The following PACS2 variants were observed in gnomAD, a reference collection of about 807,000 sequenced individuals.
PACS2 encodes the protein phosphofurin acidic cluster sorting protein 2, also known as PACS1-like protein.
PACS2 carries 36 observed loss-of-function variants against 113.0 expected under a neutral mutation model. The ratio of observed to expected loss-of-function variants is 0.32; its 90% CI spans 0.24 to 0.42. PACS2 has a LOEUF of 0.42. Among genes scored for constraint, PACS2 ranks in the 10% least tolerant of loss-of-function variants. The pLI, the probability that PACS2 is intolerant of heterozygous loss-of-function variation, is 1.00. For missense variants in PACS2, 1,015 were observed against 1,239.5 expected, an observed-to-expected ratio of 0.82 and a Z score of 2.72; for synonymous variants, 589 against 536.1, an observed-to-expected ratio of 1.10 and a Z score of -1.36.
chr14:105,346,053 CT>C (rs1171466302), intron 1 of PACS2, among the ~76,000 whole-genome samples: 4 of 152,228 alleles, frequency 2.6e-5, no homozygotes, highest in Non-Finnish European at 4.4e-5. Flanking sequence ...CTCACAAACA[CT>C]GACGGGCGAC....
intron 24 of PACS2, 31 bp from the exon 25 acceptor site, chr14:105,394,523 G>A: frequency 1.2e-6 from 2 of 1,608,580 alleles, no homozygotes; most frequent in Non-Finnish European, 1.7e-6. Context: ...CCGGGCAGGG[G>A]GGCAGGCGGT....
Position 105,324,148 on chromosome 14 carries a change from A to G in PACS2, c.119+9111A>G, listed in dbSNP as rs1012659332. 5.9e-5 allele frequency among the ~76,000 whole-genome samples: 9 copies of G among 152,202 alleles called. No homozygotes were observed. Among genetic ancestry groups the G allele is most frequent in the Non-Finnish European group, 1.2e-4 (8 of 68,038 alleles). On this transcript the variant is annotated intron_variant, in intron 1 of 24. Coordinates refer to ENST00000447393, the MANE Select transcript of PACS2 (RefSeq NM_001100913.3). The surrounding 1 kb of genome is among the most constrained non-coding windows in gnomAD (Gnocchi z 4.7). ...ACCAGCCCTTTCCCTCTCTCTGCCCAGCATTCTCAGCATGCGTCTCAGGAA... is the reference window on the plus strand; with the variant it reads ...ACCAGCCCTTTCCCTCTCTCTGCCCGGCATTCTCAGCATGCGTCTCAGGAA...
chr14:105,359,972 A>G (rs1382493952), intron 4 of PACS2, among the ~76,000 whole-genome samples: 1 of 152,156 alleles, frequency 6.6e-6, no homozygotes, highest in East Asian at 1.9e-4. Flanking sequence ...ATAAATACTT[A>G]CCATCTGTAA....
intron 1 of PACS2, among the ~76,000 whole-genome samples, chr14:105,306,496 G>C (rs1236822250): frequency 6.6e-6 from 1 of 151,902 alleles, no homozygotes; most frequent in Non-Finnish European, 1.5e-5. Flanking sequence ...GTAGAGATGG[G>C]GTTTCACCAT....
intron 1 of PACS2, among the ~76,000 whole-genome samples, chr14:105,343,570 G>A (rs2059813029): frequency 6.6e-6 from 1 of 152,144 alleles, no homozygotes; most frequent in African/African-American, 2.4e-5. Flanking sequence ...TCTAATAGGT[G>A]TAGTTGGTAT....
chr14:105,385,475 T>G (rs1442007055), intron 18 of PACS2, among the ~76,000 whole-genome samples: 2 of 152,010 alleles, frequency 1.3e-5, no homozygotes, highest in Admixed American at 6.6e-5. Context: ...GCCCGGCGCC[T>G]CCTCCCTGCA....
chr14:105,394,153 C>T (rs1012807370), intron 24 of PACS2: 10 of 979,960 alleles, frequency 1.0e-5, no homozygotes, highest in African/African-American at 3.5e-5. Flanking sequence ...ACCTCCAGGT[C>T]GACGTGGCCC....
chr14:105,352,447 G>A lies in PACS2; in HGVS notation c.277G>A (p.Ala93Thr). Residue 93 changes from alanine (A) to threonine (T), a missense_variant, in exon 3 of 25, where the codon GCC becomes ACC. Coordinates refer to ENST00000447393, the MANE Select transcript of PACS2 (RefSeq NM_001100913.3). ...PPSGQVETDL[A>T]LTFSLQYPHF... ...CAGTGGACAAGTGGAGACAGACCTG[G>A]CCCTGACCTTCTCCTTGCAGGTGAG... 1 of 1,609,282 alleles carries A rather than the reference G, an allele frequency of 6.2e-7. No individual in the cohort carries two copies. The highest frequency in any genetic ancestry group is 1.3e-5 in the African/African-American group (1 of 74,838).
rs148870769 is a variant in PACS2 at position 105,322,182 on chromosome 14, C to T, written c.119+7145C>T. ...CGAACTCTCGACCTCGTGATCCGCC[C>T]GCCTTGGCCTCCCAAAGTGCTGGGA... On this transcript the variant is annotated intron_variant, in intron 1 of 24. Coordinates refer to ENST00000447393, the MANE Select transcript of PACS2 (RefSeq NM_001100913.3). Among the ~76,000 whole-genome samples the T allele has an allele frequency of 2.1e-3, 313 of 151,268 alleles. 1 individual carries two copies. The highest frequency in any genetic ancestry group is 7.2e-3 in the African/African-American group (296 of 41,206).
At chr14:105,349,318 C>T (rs1304848459) in intron 2 of PACS2, among the ~76,000 whole-genome samples, 4 of 152,260 alleles carry the variant, frequency 2.6e-5, no homozygotes, top group African/African-American at 9.6e-5. Flanking sequence ...AAGTCTCACC[C>T]ATGTCCTCAG....
At chr14:105,361,339 C>CA (rs1465589434) in intron 4 of PACS2, among the ~76,000 whole-genome samples, 3 of 151,346 alleles carry the variant, frequency 2.0e-5, no homozygotes, top group African/African-American at 4.9e-5. Flanking sequence ...GCTAAAAATA[C>CA]AAAAAAAGAA....
At chr14:105,383,713 C>T (rs2081074853) in intron 16 of PACS2, 200 bp downstream of exon 16, 3 of 560,922 alleles carry the variant, frequency 5.3e-6, no homozygotes, top group Admixed American at 3.6e-5. Flanking sequence ...GATACAGTAA[C>T]ACTTTGTTAA....
chr14:105,368,686 C>G, intron 7 of PACS2, 147 bp downstream of exon 7: 1 of 663,026 alleles, frequency 1.5e-6, no homozygotes, highest in Non-Finnish European at 2.7e-6. Flanking sequence ...CCCCTGATTG[C>G]CAGTCTCCTG....
At chr14:105,389,855 C>A in intron 19 of PACS2, 106 bp from the exon 20 acceptor site, 2 of 1,019,314 alleles carry the variant, frequency 2.0e-6, no homozygotes, top group East Asian at 2.4e-5. Flanking sequence ...TCCGGCAGGG[C>A]CGCGGCCCCA....
intron 22 of PACS2, 152 bp downstream of exon 22, chr14:105,391,918 T>G (rs2081372526): frequency 1.4e-6 from 1 of 722,170 alleles, no homozygotes; most frequent in African/African-American, 1.8e-5. Flanking sequence ...GGCTGGGTCC[T>G]CTCTGGCCAC....
intron 19 of PACS2, chr14:105,389,116 C>T (rs1041929661): frequency 1.3e-5 from 2 of 152,292 alleles, no homozygotes; most frequent in South Asian, 2.1e-4. Context: ...GCGAGCTGGA[C>T]CACAGGACAG....
At chr14:105,373,241 T>G (rs1348882401) in intron 8 of PACS2, among the ~76,000 whole-genome samples, 1 of 152,226 alleles carries the variant, frequency 6.6e-6, no homozygotes, top group Non-Finnish European at 1.5e-5. Flanking sequence ...AAAATTTATG[T>G]GTAAATGCCA....
rs903365962 is a variant in PACS2, at chr14:105,366,346, T to G, written c.424-867T>G. On this transcript the variant is annotated intron_variant, in intron 4 of 24. Transcript: ENST00000447393. This position sits in a 1 kb window ranked among gnomAD's most constrained non-coding sequence, Gnocchi z 4.3. ...CTGGGCCACAGAATGAGACTCCGTC[T>G]CAAAAAAGTAATAAATAAATAAATC... Among the ~76,000 whole-genome samples the G allele has an allele frequency of 4.6e-5, 7 of 152,292 alleles. No individual in the cohort carries two copies. The highest frequency in any genetic ancestry group is 8.8e-5 in the Non-Finnish European group (6 of 68,026).
In PACS2 at chr14:105,395,384, G is replaced by A. The variant is rs1430338110; in HGVS notation, c.*712G>A. Reference sequence around the variant, plus strand: ...CAGGCTGTTCTTGAAACACCATGAGGCTTCTGCGTGTAGTCCCTGCCCCAA... The same window carrying A: ...CAGGCTGTTCTTGAAACACCATGAGACTTCTGCGTGTAGTCCCTGCCCCAA... On this transcript the variant is annotated 3_prime_UTR_variant, in exon 25 of 25. Coordinates refer to ENST00000447393, the MANE Select transcript of PACS2 (RefSeq NM_001100913.3). The A allele has an allele frequency of 1.3e-5, 2 of 152,088 alleles. No individual in the cohort carries two copies. The highest frequency in any genetic ancestry group is 4.8e-5 in the African/African-American group (2 of 41,384). 9.4% of individuals were successfully genotyped at this position (152,088 alleles called of 1,614,324 possible).
Sources: gnomAD v4.1 joint callset for allele counts (sites outside exome capture counted in the v4.1 genomes callset) on GRCh38, gnomAD v4.1.1 for gene constraint, Gnocchi (gnomAD v3.1) non-coding constraint, MANE v1.5 for transcripts, NCBI Gene and HGNC (gene_info 2026-07-23, HGNC 2026-07-21) for gene names.